Variants in ANTXR2 observed in about 807,000 individuals in gnomAD.
ANTXR2 encodes the protein ANTXR cell adhesion molecule 2, also known as anthrax toxin receptor 2.
A neutral mutation model predicts 73.7 loss-of-function variants in ANTXR2; 44 were observed. The ratio of observed to expected loss-of-function variants is 0.60; its 90% CI spans 0.47 to 0.77. The LOEUF is 0.77. Among genes scored for constraint, ANTXR2 ranks in the 30% least tolerant of loss-of-function variants. ANTXR2 has a pLI of 0.00. For synonymous variants in ANTXR2, 217 were observed against 205.9 expected, an observed-to-expected ratio of 1.05 and a Z score of -0.46; for missense variants, 604 against 592.5, an observed-to-expected ratio of 1.02 and a Z score of -0.20.
intron 16 of ANTXR2, among the ~76,000 whole-genome samples, chr4:79,976,875 T>A (rs1729657578): frequency 6.6e-6 from 1 of 152,212 alleles, no homozygotes; most frequent in Admixed American, 6.5e-5. Flanking sequence ...CTGCCCTGCA[T>A]CACTACTATT....
intron 3 of ANTXR2, among the ~76,000 whole-genome samples, chr4:80,058,510 G>A (rs997045862): frequency 3.3e-5 from 5 of 152,020 alleles, no homozygotes; most frequent in Non-Finnish European, 5.9e-5. Context: ...TATCACTTTA[G>A]GGGAAACAAA....
chr4:80,012,550 G>T (rs1731638436), intron 11 of ANTXR2, among the ~76,000 whole-genome samples: 1 of 152,012 alleles, frequency 6.6e-6, no homozygotes, highest in African/African-American at 2.4e-5. Context: ...TTTACTATTT[G>T]GCCTTCTACA....
intron 12 of ANTXR2, among the ~76,000 whole-genome samples, chr4:80,007,436 C>T (rs1304819104): frequency 6.6e-6 from 1 of 152,018 alleles, no homozygotes; most frequent in Non-Finnish European, 1.5e-5. Context: ...AATTGGATTG[C>T]TTGAAATGTG....
At chr4:79,960,245 A>C (rs568515688) in intron 16 of ANTXR2, among the ~76,000 whole-genome samples, 84 of 152,302 alleles carry the variant, frequency 5.5e-4, no homozygotes, top group African/African-American at 1.9e-3. Context: ...GCTTGATTTA[A>C]AAAAATTAGA....
chr4:80,038,417 C>T (rs1016742736), intron 7 of ANTXR2, among the ~76,000 whole-genome samples: 10 of 152,002 alleles, frequency 6.6e-5, no homozygotes, highest in African/African-American at 2.4e-4. Context: ...GGCTGAAGAA[C>T]AAACACCCTC....
chr4:79,935,515 GA>G (rs35278452), intron 16 of ANTXR2, among the ~76,000 whole-genome samples: 97,650 of 149,990 alleles, frequency 0.65, 34,273 homozygotes, highest in East Asian at 0.96. Flanking sequence ...AGCTGAACTG[GA>G]AAAAAAAAAG....
Position 79,946,130 on chromosome 4 carries a change from G to A in ANTXR2, c.1428+31491C>T, listed in dbSNP as rs1042817725. On this transcript the variant is annotated intron_variant, in intron 16 of 16. Transcript: ENST00000403729. ...CATGAGGTAAGTGTTGTTATATAACGATCCCCATTTAAAATATTTAAAAGA... is the reference window on the plus strand; with the variant it reads ...CATGAGGTAAGTGTTGTTATATAACAATCCCCATTTAAAATATTTAAAAGA... Among the ~76,000 whole-genome samples, 11 of 152,016 alleles carry A rather than the reference G, an allele frequency of 7.2e-5. 1 individual carries two copies. The highest frequency in any genetic ancestry group is 6.2e-4 in the South Asian group (3 of 4,818).
intron 7 of ANTXR2, among the ~76,000 whole-genome samples, chr4:80,036,732 G>A (rs1269225895): frequency 6.6e-6 from 1 of 151,998 alleles, no homozygotes; most frequent in African/African-American, 2.4e-5. Flanking sequence ...ACACAGCAAT[G>A]AGCCAAGGTC....
intron 16 of ANTXR2, among the ~76,000 whole-genome samples, chr4:79,960,278 A>G (rs1729095313): frequency 6.6e-6 from 1 of 152,174 alleles, no homozygotes; most frequent in African/African-American, 2.4e-5. Context: ...GATTCAAAAC[A>G]AAAGTATGCT....
At chr4:80,052,956 T>G (rs1733836335) in intron 7 of ANTXR2, among the ~76,000 whole-genome samples, 1 of 151,574 alleles carries the variant, frequency 6.6e-6, no homozygotes, top group Non-Finnish European at 1.5e-5. Context: ...TCTGGGTAAT[T>G]CTGAGCTAAA....
chr4:79,936,579 G>A (rs554198833), intron 16 of ANTXR2, among the ~76,000 whole-genome samples: 1 of 152,148 alleles, frequency 6.6e-6, no homozygotes, highest in African/African-American at 2.4e-5. Context: ...TTCCTGATGG[G>A]AGAAATTAGT....
chr4:79,981,244 T>C (rs193272231), intron 14 of ANTXR2, among the ~76,000 whole-genome samples: 17 of 152,274 alleles, frequency 1.1e-4, no homozygotes, highest in Admixed American at 6.5e-4. Context: ...ACAGGTTGAG[T>C]ATAGTTCAAA....
chr4:79,950,396 C>T (rs1338290180), intron 16 of ANTXR2, among the ~76,000 whole-genome samples: 1 of 152,118 alleles, frequency 6.6e-6, no homozygotes, highest in Non-Finnish European at 1.5e-5. Context: ...GCCACATCTC[C>T]AGTGGCTACA....
At chr4:79,998,690 C>G (rs1024614654) in intron 12 of ANTXR2, among the ~76,000 whole-genome samples, 3 of 152,030 alleles carry the variant, frequency 2.0e-5, no homozygotes, top group Non-Finnish European at 4.4e-5. Flanking sequence ...ATGCTGATGA[C>G]GGCTTTGTTA....
intron 3 of ANTXR2, among the ~76,000 whole-genome samples, chr4:80,058,301 G>T (rs1445397913): frequency 6.6e-6 from 1 of 151,938 alleles, no homozygotes; most frequent in East Asian, 1.9e-4. Flanking sequence ...ACAGCAGTTT[G>T]CGGTTTTTCT....
chr4:79,980,593 G>T (rs1240004465), intron 14 of ANTXR2, among the ~76,000 whole-genome samples: 1 of 152,060 alleles, frequency 6.6e-6, no homozygotes, highest in African/African-American at 2.4e-5. Flanking sequence ...TGACTAGAAG[G>T]TTATATCATT....
rs1414519153 is a variant in ANTXR2 at position 79,901,453 on chromosome 4, C to T, written c.*5976G>A. 6.6e-6 allele frequency: 1 copy of T among 151,430 alleles called. No individual in the cohort carries two copies. The highest frequency in any genetic ancestry group is 2.4e-5 in the African/African-American group (1 of 41,208). The allele number at this position is 151,430 out of a possible 1,614,324, so 9.4% of individuals were successfully genotyped here. On this transcript the variant is annotated 3_prime_UTR_variant, in exon 17 of 17. Transcript: ENST00000403729. ...TGGCATCTAAATTGTTTAAAATCAC[C>T]TTGCCTTTTAGTTCATGGAGACAAT...
chr4:79,981,465 A>C (rs1325659773), intron 14 of ANTXR2, among the ~76,000 whole-genome samples: 1 of 152,190 alleles, frequency 6.6e-6, no homozygotes, highest in African/African-American at 2.4e-5. Context: ...AAATTCATTT[A>C]TGTTTGACGC....
chr4:80,012,452 A>T (rs1295980503), intron 11 of ANTXR2, among the ~76,000 whole-genome samples: 3 of 152,156 alleles, frequency 2.0e-5, no homozygotes, highest in Non-Finnish European at 2.9e-5. Context: ...ATTTGTTTAT[A>T]TAATGTCTAT....
Sources: gnomAD v4.1 joint callset for allele counts (sites outside exome capture counted in the v4.1 genomes callset) on GRCh38, gnomAD v4.1.1 for gene constraint, MANE v1.5 for transcripts, NCBI Gene and HGNC (gene_info 2026-07-23, HGNC 2026-07-21) for gene names.